Variants in AIFM3 observed in about 807,000 individuals in gnomAD.
AIFM3 encodes apoptosis-inducing factor 3.
In AIFM3, 71 loss-of-function variants were observed where a neutral mutation model predicts 82.7. The observed-to-expected ratio is 0.86, with a 90% CI of 0.71 to 1.05. The LOEUF (loss-of-function observed/expected upper bound fraction) is 1.05, where lower values mean the gene tolerates loss of function less well. Among genes scored for constraint, AIFM3 ranks in the 50% least tolerant of loss-of-function variants. The pLI, the probability that AIFM3 is intolerant of heterozygous loss-of-function variation, is 0.00. For synonymous variants in AIFM3, 337 were observed against 329.1 expected (o/e 1.02, Z -0.26); for missense variants, 748 against 816.7 (o/e 0.92, Z 1.03).
chr22:20,976,616 C>G (rs758033678), intron 11 of AIFM3, 35 bp from the exon 12 acceptor site: 1 of 1,612,138 alleles, frequency 6.2e-7, no homozygotes, highest in African/African-American at 1.3e-5. Flanking sequence ...GAGGAAGGTG[C>G]AGGTGCCAGC....
In AIFM3 at chr22:20,973,414, C is replaced by G; in HGVS notation, c.139C>G (p.Arg47Gly). Reference protein sequence around the residue: ...PRAYQGNGTARHFHTEERLST... With the variant: ...PRAYQGNGTAGHFHTEERLST... Reference sequence around the variant, plus strand: ...GGCCTACCAGGGCAATGGCACGGCCCGCCACTTCCACACGGAGGAGCGCCT... The same window carrying G: ...GGCCTACCAGGGCAATGGCACGGCCGGCCACTTCCACACGGAGGAGCGCCT... Residue 47 changes from arginine (R) to glycine (G), a missense_variant, in exon 3 of 21, where the codon CGC becomes GGC. Arg to Gly is a moderately radical substitution (Grantham distance 125). This residue lies in a region of AIFM3 where 148 missense variants were observed against 134.1 expected (regional missense o/e 1.10). Coordinates refer to ENST00000440238, the MANE Select transcript of AIFM3 (RefSeq NM_001386814.1). 1.9e-6 allele frequency: 3 copies of G among 1,612,946 alleles called. No individual in the cohort carries two copies. The East Asian group carries it at 6.7e-5, about 36-fold the overall frequency.
rs1294610965 is a variant in AIFM3, at chr22:20,974,088, C to T, written c.381C>T (p.Arg127=). 1.9e-6 allele frequency: 3 copies of T among 1,611,622 alleles called. No homozygotes were observed. Among genetic ancestry groups the T allele is most frequent in the East Asian group, 2.2e-5 (1 of 44,852 alleles). ...VKGVLSRGRV[R]CPWHGACFNI... Reference sequence around the variant, plus strand: ...GCGTTCTGTCCCGTGGTCGGGTGCGCTGCCCCTGGCACGGCGCCTGCTTCA... The same window carrying T: ...GCGTTCTGTCCCGTGGTCGGGTGCGTTGCCCCTGGCACGGCGCCTGCTTCA... The change falls in exon 5 of 21, where the codon CGC becomes CGT. Residue 127 remains arginine, a synonymous_variant. Transcript: ENST00000440238.
intron 18 of AIFM3, 38 bp from the exon 19 acceptor site, chr22:20,979,982 C>A: frequency 6.3e-7 from 1 of 1,583,216 alleles, no homozygotes. Flanking sequence ...GGGGCTGCTG[C>A]CTCGCAGTCC....
rs1176520738 is a variant in AIFM3 at position 20,974,764 on chromosome 22, T to G, written c.668T>G (p.Val223Gly). 1.2e-6 allele frequency: 2 copies of G among 1,613,612 alleles called. No individual in the cohort carries two copies. The highest frequency in any genetic ancestry group is 2.7e-5 in the African/African-American group (2 of 74,994). The change falls in exon 8 of 21, where the codon GTC becomes GGC. Residue 223 changes from valine (V) to glycine (G), a missense_variant. By Grantham distance (109) the Val-to-Gly change is moderately radical. This residue lies in a region of AIFM3 where 393 missense variants were observed against 481.1 expected (regional missense o/e 0.82). Transcript: ENST00000440238. The stretch of plus-strand genomic sequence containing the variant: ...CAGGAGGGCTTCTCCGACCGGATCG[T>G]CCTGTGCACGCTAGACCGGCACCTT... Reference protein sequence around the residue: ...LRQEGFSDRIVLCTLDRHLPY... With the variant: ...LRQEGFSDRIGLCTLDRHLPY...
chr22:20,973,673 T>A (rs1923424089), intron 3 of AIFM3, 85 bp from the exon 4 acceptor site: 1 of 1,413,856 alleles, frequency 7.1e-7, no homozygotes, highest in Non-Finnish European at 9.6e-7. Flanking sequence ...CTGGGCCTGC[T>A]CCCCAGAAGG....
In AIFM3 at chr22:20,975,762, T is replaced by C. The variant is rs1923605066; in HGVS notation, c.791T>C (p.Val264Ala). 2.5e-6 allele frequency: 4 copies of C among 1,612,862 alleles called. No homozygotes were observed. The highest frequency in any genetic ancestry group is 1.6e-4 in the Middle Eastern group (1 of 6,084). Residue 264 changes from valine (V) to alanine (A), a missense_variant, in exon 9 of 21, where the codon GTG (valine) becomes GCG (alanine). Transcript: ENST00000440238. ...TTTTTCCGAGCCTATGGCATCGAGG[T>C]GCTCACCGAGGCTCAGGTACAGGGT... is the stretch of plus-strand genomic sequence containing the variant. Reference protein sequence around the residue: ...KEFFRAYGIEVLTEAQVVTVD... With the variant: ...KEFFRAYGIEALTEAQVVTVD...
chr22:20,969,178 A>G (rs62238518), intron 2 of AIFM3, among the ~76,000 whole-genome samples: 36,711 of 152,180 alleles, frequency 0.24, 5,339 homozygotes, highest in Middle Eastern at 0.34. Flanking sequence ...CCCTGGCAGA[A>G]GATGCCACCT....
At chr22:20,970,805 G>C (rs542952891) in intron 2 of AIFM3, among the ~76,000 whole-genome samples, 21 of 152,226 alleles carry the variant, frequency 1.4e-4, no homozygotes, top group African/African-American at 5.1e-4. Context: ...ATCTCACCCT[G>C]TTGCCCAGGC....
intron 18 of AIFM3, 21 bp downstream of exon 18, chr22:20,979,723 C>T: frequency 6.2e-7 from 1 of 1,613,918 alleles, no homozygotes; most frequent in Non-Finnish European, 8.5e-7. Flanking sequence ...CGGGGTGCAG[C>T]TTGGCGCGAA....
At position 20,977,989 on chromosome 22, in the gene AIFM3, G is replaced by T; in HGVS notation, c.1461G>T (p.Gln487His). 1 of 1,614,168 alleles carries T rather than the reference G, an allele frequency of 6.2e-7. No individual in the cohort carries two copies. The highest frequency in any genetic ancestry group is 8.5e-7 in the Non-Finnish European group (1 of 1,180,016). Residue 487 changes from glutamine to histidine, a missense_variant, in exon 16 of 21, where the codon CAG (glutamine) becomes CAT (histidine). Gln to His is a conservative substitution (Grantham distance 24). This residue lies in a region of AIFM3 where 393 missense variants were observed against 481.1 expected (regional missense o/e 0.82). Coordinates refer to ENST00000440238, the MANE Select transcript of AIFM3 (RefSeq NM_001386814.1). ...NNRKVNIPHW[Q>H]MAHAQGRVAA... ...GCAAAGTGAACATTCCACATTGGCAGATGGCTCATGCTCAGGGTATGGCCA... is the reference window on the plus strand; with the variant it reads ...GCAAAGTGAACATTCCACATTGGCATATGGCTCATGCTCAGGGTATGGCCA...
chr22:20,970,710 C>G (rs1156895797), intron 2 of AIFM3, among the ~76,000 whole-genome samples: 1 of 152,228 alleles, frequency 6.6e-6, no homozygotes, highest in Non-Finnish European at 1.5e-5. Flanking sequence ...ATCTGCCTGC[C>G]TCGGCCTCTC....
At chr22:20,976,612 G>A (rs752414779) in intron 11 of AIFM3, 39 bp from the exon 12 acceptor site, 2 of 1,612,740 alleles carry the variant, frequency 1.2e-6, no homozygotes, top group East Asian at 2.2e-5. Context: ...GGTCGAGGAA[G>A]GTGCAGGTGC....
At chr22:20,976,129 G>A (rs955901438) in intron 9 of AIFM3, 86 bp from the exon 10 acceptor site, 16 of 1,440,880 alleles carry the variant, frequency 1.1e-5, no homozygotes, top group Non-Finnish European at 1.3e-5. Flanking sequence ...CTGTGGCTGG[G>A]CTGTGGGTGT....
chr22:20,974,374 G>C lies in AIFM3; in HGVS notation c.510+78G>C, dbSNP rs1038434638. 1.9e-6 allele frequency: 3 copies of C among 1,582,640 alleles called. No individual in the cohort carries two copies. In the African/African-American group the frequency reaches 4.0e-5, roughly 21 times the overall value. ...TGGCCCAGAGAATGCCATGTGCAAA[G>C]CCCTGTGGTGGGAGGAGCTTGGCAC... is the stretch of plus-strand genomic sequence containing the variant. On this transcript the variant is annotated intron_variant, in intron 6 of 20. Transcript: ENST00000440238.
At position 20,975,751 on chromosome 22, in the gene AIFM3, T is replaced by A. The variant is rs912165621; in HGVS notation, c.780T>A (p.Tyr260Ter). ...ALRPKEFFRA[Y>*]GIEVLTEAQV... The stretch of plus-strand genomic sequence containing the variant: ...GGCCCAAGGAGTTTTTCCGAGCCTA[T>A]GGCATCGAGGTGCTCACCGAGGCTC... The change falls in exon 9 of 21, where the codon TAT becomes TAA. Residue 260 changes from tyrosine to a stop codon, truncating the protein, a stop_gained. Transcript: ENST00000440238. LOFTEE classifies it high-confidence loss of function. 1 of 1,613,374 alleles carries A rather than the reference T, an allele frequency of 6.2e-7. No individual in the cohort carries two copies. Among genetic ancestry groups the A allele is most frequent in the African/African-American group, 1.3e-5 (1 of 74,922 alleles).
In AIFM3 at chr22:20,977,623, C is replaced by T. The variant is rs568914088; in HGVS notation, c.1283-77C>T. The T allele has an allele frequency of 4.5e-4, 701 of 1,570,124 alleles. 5 individuals carry two copies. In the South Asian group the frequency reaches 6.4e-3, roughly 14 times the overall value. ...ATCAGTCTGGGGCTGGCACATCAAGCGCATGCTGTAGGGTGTGGAGAGTGA... is the reference window on the plus strand; with the variant it reads ...ATCAGTCTGGGGCTGGCACATCAAGTGCATGCTGTAGGGTGTGGAGAGTGA... On this transcript the variant is annotated intron_variant, in intron 14 of 20. Transcript: ENST00000440238.
Position 20,974,094 on chromosome 22 carries a change from CT to C in AIFM3, c.388del (p.Trp130GlyfsTer27). On this transcript the variant is annotated frameshift_variant, in exon 5 of 21. Transcript: ENST00000440238. LOFTEE classifies it high-confidence loss of function. ...VLSRGRVRCP[W>X]HGACFNISTG... The stretch of plus-strand genomic sequence containing the variant: ...TGTCCCGTGGTCGGGTGCGCTGCCC[CT>C]GGCACGGCGCCTGCTTCAACATCAG... The C allele has an allele frequency of 6.2e-7, 1 of 1,612,258 alleles. No homozygotes were observed. Among genetic ancestry groups the C allele is most frequent in the South Asian group, 1.1e-5 (1 of 90,868 alleles).
intron 18 of AIFM3, 130 bp downstream of exon 18, chr22:20,979,832 AG>A: frequency 7.8e-7 from 1 of 1,288,356 alleles, no homozygotes; most frequent in Non-Finnish European, 1.1e-6. Flanking sequence ...GAGCTTCCTT[AG>A]GAAAGCCCGA....
intron 4 of AIFM3, 71 bp downstream of exon 4, chr22:20,973,938 C>T (rs962622649): frequency 2.0e-6 from 3 of 1,472,816 alleles, no homozygotes; most frequent in Non-Finnish European, 2.7e-6. Flanking sequence ...TCCCCAGACC[C>T]CAGGATCTTC....
Sources: allele counts gnomAD v4.1 joint callset (sites outside exome capture counted in the v4.1 genomes callset), GRCh38; gene constraint gnomAD v4.1.1; regional missense constraint gnomAD v4.1.1; transcripts MANE v1.5; gene names NCBI Gene and HGNC (gene_info 2026-07-23, HGNC 2026-07-21).